LUC7L2: variants seen among roughly 807,000 people sequenced by gnomAD.
The protein encoded by LUC7L2 is LUC7 like 2, pre-mRNA splicing factor.
LUC7L2 carries 25 observed loss-of-function variants against 52.8 expected under a neutral mutation model. The ratio of observed to expected loss-of-function variants is 0.47; its 90% CI spans 0.34 to 0.66. The LOEUF is 0.66. LUC7L2 is among the 30% of genes least tolerant of loss of function. The pLI is 0.01. For synonymous variants in LUC7L2, 144 were observed against 160.9 expected (o/e 0.89, Z 0.80); for missense variants, 328 against 497.8 (o/e 0.66, Z 3.25).
At chr7:139,362,534 C>G (rs1799940932) in intron 1 of LUC7L2, among the ~76,000 whole-genome samples, 1 of 151,012 alleles carries the variant, frequency 6.6e-6, no homozygotes, top group Non-Finnish European at 1.5e-5. Flanking sequence ...TGTTGGGTGT[C>G]TTTGGCACTA....
At chr7:139,356,314 CAAAAAAA>C (rs10524961), upstream of LUC7L2, among the ~76,000 whole-genome samples, 7 of 82,892 alleles carry the variant, frequency 8.4e-5, no homozygotes, top group Non-Finnish European at 2.0e-4. Context: ...GACCCTATCT[CAAAAAAA>C]AAAAAAAAAA....
At chr7:139,365,892 T>C (rs1203965026) in intron 1 of LUC7L2, among the ~76,000 whole-genome samples, 1 of 152,210 alleles carries the variant, frequency 6.6e-6, no homozygotes, top group East Asian at 1.9e-4. Flanking sequence ...GAAAAGCTAT[T>C]CTGTTTCCTT....
Position 139,402,249 on chromosome 7 carries a change from TA to T in LUC7L2, c.366+4del. On this transcript the variant is annotated splice_donor_region_variant and intron_variant, in intron 4 of 9. Transcript: ENST00000354926. The stretch of plus-strand genomic sequence containing the variant: ...ATTAGTGCTGAAGTAGCAGCAAAGG[TA>T]AGAATTTTAATCATTTCATTAGTAC... 1 of 1,587,168 alleles carries T rather than the reference TA, an allele frequency of 6.3e-7. No individual in the cohort carries two copies. Among genetic ancestry groups the T allele is most frequent in the African/African-American group, 1.4e-5 (1 of 73,200 alleles).
chr7:139,378,202 T>C (rs1800816813), intron 2 of LUC7L2, among the ~76,000 whole-genome samples: 1 of 152,186 alleles, frequency 6.6e-6, no homozygotes. Context: ...CTATGAAATC[T>C]ATCATTGTCT....
At chr7:139,351,868 C>T (rs1799467995) in intron 1 of LUC7L2, among the ~76,000 whole-genome samples, 1 of 152,208 alleles carries the variant, frequency 6.6e-6, no homozygotes, top group Non-Finnish European at 1.5e-5. Context: ...ATGCCTACTA[C>T]ATGGGTGATA....
rs559269339 is a variant in LUC7L2, at chr7:139,360,974, C to T, written c.61+652C>T. Among the ~76,000 whole-genome samples the T allele has an allele frequency of 2.0e-5, 3 of 152,308 alleles. No individual in the cohort carries two copies. The South Asian group carries it at 6.2e-4, about 32-fold the overall frequency. Reference sequence around the variant, plus strand: ...ATTTTGTTAGACAATTTAATAGAGGCTTTGTTCAGTAAATATTGACAAATG... The same window carrying T: ...ATTTTGTTAGACAATTTAATAGAGGTTTTGTTCAGTAAATATTGACAAATG... On this transcript the variant is annotated intron_variant, in intron 1 of 9. Transcript: ENST00000354926.
In LUC7L2 at chr7:139,392,095, G is replaced by C. The variant is rs182988428; in HGVS notation, c.157-6504G>C. Among the ~76,000 whole-genome samples, 251 of 152,140 alleles carry C rather than the reference G, an allele frequency of 1.6e-3. 3 individuals are homozygous for C. The highest frequency in any genetic ancestry group is 3.8e-4 in the Non-Finnish European group (26 of 68,000). On this transcript the variant is annotated intron_variant, in intron 2 of 9. Transcript: ENST00000354926. The stretch of plus-strand genomic sequence containing the variant: ...TTAAAGGCTAAATAGACACTGTATG[G>C]CTATTCCATAGCTGAATCAACCAAA...
intron 2 of LUC7L2, among the ~76,000 whole-genome samples, chr7:139,378,589 A>G (rs924833825): frequency 3.9e-5 from 6 of 152,184 alleles, no homozygotes; most frequent in African/African-American, 1.4e-4. Context: ...AAAAGAAAAA[A>G]GAAAAATCAA....
chr7:139,359,593 C>T (rs1799745845), upstream of LUC7L2: 2 of 389,342 alleles, frequency 5.1e-6, no homozygotes, highest in Non-Finnish European at 9.1e-6. Flanking sequence ...ACCTCTAGCG[C>T]ATTTTGCTAA....
At chr7:139,417,412 A>C in intron 8 of LUC7L2, 126 bp from the exon 9 acceptor site, 5 of 1,180,084 alleles carry the variant, frequency 4.2e-6, no homozygotes, top group South Asian at 1.7e-5. Context: ...GTGTAGATTT[A>C]GCTGACTTGG....
chr7:139,376,389 G>C (rs1241878422), intron 2 of LUC7L2, among the ~76,000 whole-genome samples: 1 of 152,104 alleles, frequency 6.6e-6, no homozygotes, highest in East Asian at 1.9e-4. Flanking sequence ...TTTTTTAAAA[G>C]CATGTTTTAT....
At chr7:139,406,480 G>A (rs528020470) in intron 5 of LUC7L2, among the ~76,000 whole-genome samples, 8 of 151,808 alleles carry the variant, frequency 5.3e-5, no homozygotes, top group African/African-American at 1.7e-4. Flanking sequence ...AGCCTGCTGA[G>A]TAGCTGGGAC....
At chr7:139,414,469 G>A (rs760601883) in intron 8 of LUC7L2, among the ~76,000 whole-genome samples, 3 of 152,242 alleles carry the variant, frequency 2.0e-5, no homozygotes, top group African/African-American at 4.8e-5. Flanking sequence ...CTTGGAGGCC[G>A]CAGGTTGGAC....
At chr7:139,395,721 G>T (rs1358044720) in intron 2 of LUC7L2, among the ~76,000 whole-genome samples, 2 of 152,180 alleles carry the variant, frequency 1.3e-5, no homozygotes, top group Non-Finnish European at 2.9e-5. Flanking sequence ...GCTTACTGCA[G>T]CTTTGACCTC....
rs373185505 is a variant in LUC7L2 at position 139,376,508 on chromosome 7, C to A, written c.156+352C>A. Among the ~76,000 whole-genome samples the A allele has an allele frequency of 2.6e-5, 4 of 151,992 alleles. No individual in the cohort carries two copies. The East Asian group carries it at 7.7e-4, about 29-fold the overall frequency. On this transcript the variant is annotated intron_variant, in intron 2 of 9. Coordinates refer to ENST00000354926, the MANE Select transcript of LUC7L2 (RefSeq NM_016019.5). ...AAACAGAGTAGACTTTTATCTAGTACGGTATACATTTTTGTTAAGATTTGT... is the reference window on the plus strand; with the variant it reads ...AAACAGAGTAGACTTTTATCTAGTAAGGTATACATTTTTGTTAAGATTTGT...
intron 9 of LUC7L2, among the ~76,000 whole-genome samples, chr7:139,421,636 G>A (rs977336002): frequency 2.0e-5 from 3 of 152,160 alleles, no homozygotes; most frequent in Non-Finnish European, 4.4e-5. Context: ...TCTTATCTAA[G>A]TCAGGTGTTG....
chr7:139,379,871 T>C (rs111365146), intron 2 of LUC7L2, among the ~76,000 whole-genome samples: 23 of 152,080 alleles, frequency 1.5e-4, no homozygotes, highest in African/African-American at 5.3e-4. Context: ...TGGTCTGGCA[T>C]AACTAATTCT....
intron 1 of LUC7L2, chr7:139,363,293 TTGTATA>T: frequency 1.0e-6 from 1 of 958,102 alleles, no homozygotes; most frequent in South Asian, 4.8e-5. Context: ...TATATAAAGT[TTGTATA>T]TGTGAATCAG....
chr7:139,399,082 T>C (rs567265523), intron 3 of LUC7L2, among the ~76,000 whole-genome samples: 88 of 142,646 alleles, frequency 6.2e-4, no homozygotes, highest in Non-Finnish European at 8.3e-4. Context: ...TATATATATA[T>C]ACATGTATAT....
Sources: allele counts gnomAD v4.1 joint callset (sites outside exome capture counted in the v4.1 genomes callset), GRCh38; gene constraint gnomAD v4.1.1; transcripts MANE v1.5; gene names NCBI Gene and HGNC (gene_info 2026-07-23, HGNC 2026-07-21).